EFCAB6: variants seen among roughly 807,000 people sequenced by gnomAD.
EFCAB6 encodes EF-hand calcium binding domain 6, also known as EF-hand calcium-binding domain-containing protein 6.
Under a neutral mutation model 169.8 loss-of-function variants are expected in EFCAB6, and 156 were observed. The observed-to-expected ratio is 0.92, with a 90% confidence interval of 0.81 to 1.05. EFCAB6 has a LOEUF of 1.05. Ranked by LOEUF, EFCAB6 falls within the 50% of genes least tolerant of loss-of-function variation. The pLI is 0.00. For synonymous variants in EFCAB6, 698 were observed against 676.4 expected (o/e 1.03, Z -0.50); for missense variants, 1,800 against 1,829.1 (o/e 0.98, Z 0.29).
In EFCAB6 at chr22:43,566,698, G is replaced by A. The variant is rs572364700; in HGVS notation, c.3420+9599C>T. 3.9e-5 allele frequency among the ~76,000 whole-genome samples: 6 copies of A among 152,300 alleles called. No homozygotes were observed. The East Asian group carries it at 1.2e-3, about 29-fold the overall frequency. The stretch of plus-strand genomic sequence containing the variant: ...ATGTGCAAGAACACAGAAGCCTCCT[G>A]AAAATCCCAACTCAGCAACACTGAC... On this transcript the variant is annotated intron_variant, in intron 26 of 31. Transcript: ENST00000262726.
At chr22:43,588,579 C>T (rs1025087999) in intron 24 of EFCAB6, among the ~76,000 whole-genome samples, 1 of 152,084 alleles carries the variant, frequency 6.6e-6, no homozygotes, top group Non-Finnish European at 1.5e-5. Context: ...TGTGAGAGAA[C>T]AGTCCAGGCA....
chr22:43,594,275 CAAAAAAA>C (rs750560174), intron 23 of EFCAB6, among the ~76,000 whole-genome samples: 5 of 81,494 alleles, frequency 6.1e-5, no homozygotes, highest in African/African-American at 1.1e-4. Flanking sequence ...AACTCTGTTT[CAAAAAAA>C]AAAAAAAAAA....
rs369021857 is a variant in EFCAB6, at chr22:43,687,552, T to A, written c.1061A>T (p.Asn354Ile). The A allele has an allele frequency of 3.7e-6, 6 of 1,605,088 alleles. No homozygotes were observed. The highest frequency in any genetic ancestry group is 5.1e-6 in the Non-Finnish European group (6 of 1,176,766). The part of the protein sequence containing the change: ...RFGLKATTKI[N>I]WKQFLTSFHE... ...AAATGATGTTAGAAATTGCTTCCAA[T>A]TGATTTTAGTGGTGGCTTTAAGTCC... Residue 354 changes from asparagine to isoleucine, a missense_variant, in exon 11 of 32, where the codon AAT becomes ATT. Coordinates refer to ENST00000262726, the MANE Select transcript of EFCAB6 (RefSeq NM_022785.4).
At chr22:43,798,501 G>T (rs2062592511) in intron 2 of EFCAB6, among the ~76,000 whole-genome samples, 2 of 152,150 alleles carry the variant, frequency 1.3e-5, no homozygotes, top group Admixed American at 1.3e-4. Flanking sequence ...TGCTAGGCTG[G>T]CTTCCCTTCC....
At chr22:43,766,825 C>T (rs928606283) in intron 4 of EFCAB6, among the ~76,000 whole-genome samples, 3 of 152,154 alleles carry the variant, frequency 2.0e-5, no homozygotes, top group Non-Finnish European at 4.4e-5. Flanking sequence ...ATTCTTGCAA[C>T]TTTTCTACAG....
At chr22:43,654,541 T>G (rs1349437018) in intron 17 of EFCAB6, among the ~76,000 whole-genome samples, 2 of 152,218 alleles carry the variant, frequency 1.3e-5, no homozygotes, top group African/African-American at 4.8e-5. Context: ...CATTACCCAG[T>G]CTAATCATGA....
At chr22:43,657,201 G>A (rs1289426491) in intron 17 of EFCAB6, among the ~76,000 whole-genome samples, 1 of 152,124 alleles carries the variant, frequency 6.6e-6, no homozygotes, top group Non-Finnish European at 1.5e-5. Flanking sequence ...AAGCTGAGGT[G>A]GGAGGATTGC....
intron 24 of EFCAB6, among the ~76,000 whole-genome samples, chr22:43,588,523 T>C (rs1178079383): frequency 1.3e-5 from 2 of 151,664 alleles, no homozygotes; most frequent in African/African-American, 4.8e-5. Context: ...TGAGGAAATC[T>C]CCCAGAAGGT....
At chr22:43,700,599 C>T (rs2058733596) in intron 10 of EFCAB6, among the ~76,000 whole-genome samples, 1 of 152,206 alleles carries the variant, frequency 6.6e-6, no homozygotes, top group South Asian at 2.1e-4. Flanking sequence ...GAACGGTCCC[C>T]TCGTGCTGCA....
intron 2 of EFCAB6, among the ~76,000 whole-genome samples, chr22:43,799,275 A>G (rs1192554911): frequency 6.6e-6 from 1 of 151,938 alleles, no homozygotes; most frequent in East Asian, 1.9e-4. Context: ...GGTTGCAGTG[A>G]GCTATGATCA....
At chr22:43,713,822 A>C (rs2059241333) in intron 9 of EFCAB6, among the ~76,000 whole-genome samples, 1 of 152,230 alleles carries the variant, frequency 6.6e-6, no homozygotes, top group Admixed American at 6.5e-5. Context: ...TATACTCATA[A>C]TATGAGTGAA....
At chr22:43,655,630 G>T (rs116606414) in intron 17 of EFCAB6, among the ~76,000 whole-genome samples, 3 of 151,854 alleles carry the variant, frequency 2.0e-5, no homozygotes, top group Admixed American at 6.6e-5. Context: ...TACAATGACA[G>T]ATATAAAGCC....
chr22:43,589,280 CAAAAAAAAAAAAAAAAAA>C (rs1163346832), intron 24 of EFCAB6, among the ~76,000 whole-genome samples: 3,455 of 79,934 alleles, frequency 0.043, 31 homozygotes, highest in African/African-American at 0.071. Flanking sequence ...GACTTCATGT[CAAAAAAAAAAAAAAAAAA>C]AAAAAAAAAA....
At chr22:43,803,348 A>T (rs2062799566) in intron 2 of EFCAB6, among the ~76,000 whole-genome samples, 1 of 152,146 alleles carries the variant, frequency 6.6e-6, no homozygotes, top group Admixed American at 6.5e-5. Context: ...CTCACTCTAA[A>T]CTTTCCCTGT....
intron 6 of EFCAB6, among the ~76,000 whole-genome samples, chr22:43,737,701 ACACT>A (rs946301126): frequency 2.5e-4 from 35 of 140,772 alleles, no homozygotes; most frequent in Non-Finnish European, 4.0e-4. Flanking sequence ...GTACTCATAC[ACACT>A]CACACCATCA....
Position 43,626,621 on chromosome 22 carries a change from T to C in EFCAB6, c.2291A>G (p.His764Arg), listed in dbSNP as rs1160460770. Reference protein sequence around the residue: ...DADRDGIINMHDLHRLLLHLL... With the variant: ...DADRDGIINMRDLHRLLLHLL... ...ATGCAGGAGCAGTCTGTGAAGGTCA[T>C]GCATGTTGATTATGCCATCCCTGTC... is the stretch of plus-strand genomic sequence containing the variant. The change falls in exon 20 of 32, where the codon CAT (histidine) becomes CGT (arginine). Residue 764 changes from histidine (H) to arginine (R), a missense_variant. Transcript: ENST00000262726. 1.9e-6 allele frequency: 3 copies of C among 1,614,076 alleles called. No homozygotes were observed. Among genetic ancestry groups the C allele is most frequent in the African/African-American group, 1.3e-5 (1 of 74,928 alleles).
chr22:43,712,553 A>G (rs2059197328), intron 9 of EFCAB6, among the ~76,000 whole-genome samples: 1 of 152,258 alleles, frequency 6.6e-6, no homozygotes, highest in Non-Finnish European at 1.5e-5. Context: ...ATTTAGAGAT[A>G]TAAGTTCATT....
At position 43,710,446 on chromosome 22, in the gene EFCAB6, A is replaced by C. The variant is rs2059120214; in HGVS notation, c.1031+1029T>G. On this transcript the variant is annotated intron_variant, in intron 10 of 31. Coordinates refer to ENST00000262726, the MANE Select transcript of EFCAB6 (RefSeq NM_022785.4). The stretch of plus-strand genomic sequence containing the variant: ...GAGTTCTTAATCATTATTAAGAAAA[A>C]ATCATTAAGAAAATAACACTGATTG... Among the ~76,000 whole-genome samples, 3 of 152,210 alleles carry C rather than the reference A, an allele frequency of 2.0e-5. No homozygotes were observed. In the South Asian group the frequency reaches 6.2e-4, roughly 32 times the overall value.
chr22:43,685,731 CATGCGATTACCCACCATAGGGAT>C (rs1242749367), intron 11 of EFCAB6, among the ~76,000 whole-genome samples: 1 of 152,168 alleles, frequency 6.6e-6, no homozygotes, highest in Non-Finnish European at 1.5e-5. Context: ...AAACTGGGTG[CATGCGATTACCCACCATAGGGAT>C]ATGCATTTAC....
Sources: gnomAD v4.1 joint callset for allele counts (sites outside exome capture counted in the v4.1 genomes callset) on GRCh38, gnomAD v4.1.1 for gene constraint, MANE v1.5 for transcripts, NCBI Gene and HGNC (gene_info 2026-07-23, HGNC 2026-07-21) for gene names.